Variants in TXNRD2 observed in about 807,000 individuals in gnomAD.
TXNRD2 encodes thioredoxin reductase 2.
TXNRD2 carries 67 observed loss-of-function variants against 70.8 expected under a neutral mutation model. That is an observed-to-expected ratio of 0.95 (90% CI 0.78 to 1.16). TXNRD2 has a LOEUF of 1.16. Among genes scored for constraint, TXNRD2 ranks in the 50% most tolerant of loss-of-function variants. TXNRD2 has a pLI of 0.00. For missense variants in TXNRD2, 644 were observed against 719.9 expected (o/e 0.89, Z 1.21); for synonymous variants, 301 against 295.8 (o/e 1.02, Z -0.18).
chr22:19,915,667 T>C lies in TXNRD2; in HGVS notation c.528+98A>G. 3 of 1,101,054 alleles carry C rather than the reference T, an allele frequency of 2.7e-6. No homozygotes were observed. In the South Asian group the frequency reaches 3.8e-5, roughly 14 times the overall value. 68.2% of individuals were successfully genotyped at this position (1,101,054 alleles called of 1,614,324 possible). ...ACCTTTTTGATTCCAGCAGCACGTG[T>C]TACTAAGAACAGCACCCAGGCCAAA... On this transcript the variant is annotated intron_variant, in intron 6 of 17. Transcript: ENST00000400521.
intron 2 of TXNRD2, among the ~76,000 whole-genome samples, chr22:19,922,992 G>A (rs1471260323): frequency 6.6e-6 from 1 of 152,052 alleles, no homozygotes; most frequent in Non-Finnish European, 1.5e-5. Context: ...CGGCCAGGAA[G>A]GATATTATAT....
In TXNRD2 at chr22:19,908,008, G is replaced by A. The variant is rs190603775; in HGVS notation, c.662+3369C>T. Among the ~76,000 whole-genome samples, 33 of 97,068 alleles carry A rather than the reference G, an allele frequency of 3.4e-4. No homozygotes were observed. The Admixed American group carries it at 3.9e-3, about 11-fold the overall frequency. 63.7% of individuals were successfully genotyped at this position (97,068 alleles called of 152,430 possible). A position where few individuals can be genotyped will look rare whatever the true frequency, so the allele number is the denominator to read the frequency against. On this transcript the variant is annotated intron_variant, in intron 8 of 17. Coordinates refer to ENST00000400521, the MANE Select transcript of TXNRD2 (RefSeq NM_006440.5). ...CAGCTCTCAGGAGAGTGTGGGCGCC[G>A]TGGGGAGCAGTGACCGTTCTCAGGA... is the stretch of plus-strand genomic sequence containing the variant.
chr22:19,878,118 C>T lies in TXNRD2; in HGVS notation c.1417G>A (p.Val473Ile), dbSNP rs760570314. ...ATCCCCAGAGCAAATCCTTGAGTAA[C>T]TTCGCCTGCGTTGGGGCCAAGGAAA... ...LHFLGPNAGE[V>I]TQGFALGIKC... The change falls in exon 16 of 18, where the codon GTT (valine) becomes ATT (isoleucine). Residue 473 changes from valine to isoleucine, a missense_variant. Physicochemically the swap from Val to Ile is conservative, Grantham distance 29. Around this residue, in one of 3 missense-constraint regions of TXNRD2, gnomAD observed 566 missense variants for 645.0 expected, o/e 0.88. Coordinates refer to ENST00000400521, the MANE Select transcript of TXNRD2 (RefSeq NM_006440.5). 9.3e-6 allele frequency: 15 copies of T among 1,613,450 alleles called. No individual in the cohort carries two copies. The East Asian group carries it at 3.1e-4, about 34-fold the overall frequency.
In TXNRD2 at chr22:19,880,353, G is replaced by A. The variant is rs146159731; in HGVS notation, c.1183-82C>T. On this transcript the variant is annotated intron_variant, in intron 13 of 17. Coordinates refer to ENST00000400521, the MANE Select transcript of TXNRD2 (RefSeq NM_006440.5). ...CACTGCATGTGACACAAAGAGCAGC[G>A]ATCACAGACCAGGACCAGATGCGCC... 1.0e-3 allele frequency: 1,439 copies of A among 1,415,852 alleles called. 10 individuals carry two copies. In the African/African-American group the frequency reaches 0.018, roughly 18 times the overall value. 87.7% of individuals were successfully genotyped at this position (1,415,852 alleles called of 1,614,324 possible).
intron 8 of TXNRD2, among the ~76,000 whole-genome samples, chr22:19,906,349 T>C (rs1328114538): frequency 6.6e-6 from 1 of 151,952 alleles, no homozygotes; most frequent in Non-Finnish European, 1.5e-5. Flanking sequence ...AAAAAAACAG[T>C]CTGGGTGCCG....
chr22:19,928,264 CACAG>C (rs1382069086), intron 2 of TXNRD2, among the ~76,000 whole-genome samples: 1 of 152,164 alleles, frequency 6.6e-6, no homozygotes, highest in Non-Finnish European at 1.5e-5. Context: ...CACACAAACA[CACAG>C]ACAGACGTTC....
intron 1 of TXNRD2, among the ~76,000 whole-genome samples, chr22:19,940,178 G>A (rs1941656081): frequency 7.0e-6 from 1 of 141,910 alleles, no homozygotes; most frequent in South Asian, 2.3e-4. Context: ...CCGGGAGGCG[G>A]AGCTTGCAGT....
chr22:19,923,629 C>A (rs552416740), intron 2 of TXNRD2, among the ~76,000 whole-genome samples: 2 of 152,120 alleles, frequency 1.3e-5, no homozygotes, highest in African/African-American at 4.8e-5. Flanking sequence ...GTAGTGAAAG[C>A]TCGTCTCTAC....
chr22:19,919,099 T>C, intron 3 of TXNRD2, 95 bp from the exon 4 acceptor site: 1 of 1,308,036 alleles, frequency 7.6e-7, no homozygotes, highest in Non-Finnish European at 1.1e-6. Context: ...TTAAAGTTGC[T>C]TTGTAACTCT....
At chr22:19,907,167 A>G (rs1940073396) in intron 8 of TXNRD2, among the ~76,000 whole-genome samples, 6 of 103,894 alleles carry the variant, frequency 5.8e-5, no homozygotes, top group South Asian at 4.8e-4. Context: ...CTCTCAGGAG[A>G]GTGTGGGCGC....
At chr22:19,913,165 A>C (rs553093236) in intron 7 of TXNRD2, among the ~76,000 whole-genome samples, 1 of 151,332 alleles carries the variant, frequency 6.6e-6, no homozygotes, top group East Asian at 2.0e-4. Flanking sequence ...CCCACAACCC[A>C]CAAGACTGGG....
chr22:19,877,677 G>A (rs1938571533), intron 16 of TXNRD2, among the ~76,000 whole-genome samples: 1 of 152,182 alleles, frequency 6.6e-6, no homozygotes, highest in African/African-American at 2.4e-5. Context: ...CCTTTGCCAT[G>A]GCTTCCTTTG....
chr22:19,912,294 C>G (rs922033306), intron 7 of TXNRD2, among the ~76,000 whole-genome samples: 2 of 152,184 alleles, frequency 1.3e-5, no homozygotes, highest in Non-Finnish European at 2.9e-5. Flanking sequence ...CAAGGAAAAC[C>G]GAAAGGTCTG....
chr22:19,904,985 C>T (rs1939941371), intron 8 of TXNRD2, among the ~76,000 whole-genome samples: 1 of 152,206 alleles, frequency 6.6e-6, no homozygotes, highest in South Asian at 2.1e-4. Context: ...ACAGCCCCTC[C>T]AAGTGTGAGT....
intron 11 of TXNRD2, chr22:19,883,694 C>T: frequency 1.8e-6 from 1 of 553,822 alleles, no homozygotes; most frequent in Non-Finnish European, 3.2e-6. Context: ...TGGCTCATGC[C>T]TATAATCCCA....
chr22:19,915,576 TC>T (rs1940600269), intron 6 of TXNRD2, among the ~76,000 whole-genome samples, 188 bp downstream of exon 6: 1 of 152,120 alleles, frequency 6.6e-6, no homozygotes, highest in South Asian at 2.1e-4. Context: ...GCCATGCCAC[TC>T]CGAGCAGCAG....
intron 8 of TXNRD2, among the ~76,000 whole-genome samples, chr22:19,899,533 A>G (rs1434588499): frequency 1.3e-5 from 2 of 152,228 alleles, no homozygotes; most frequent in African/African-American, 2.4e-5. Flanking sequence ...ATCCAACCCT[A>G]TCACAGCTAG....
chr22:19,900,225 G>A (rs1939709040), intron 8 of TXNRD2, among the ~76,000 whole-genome samples: 1 of 152,136 alleles, frequency 6.6e-6, no homozygotes, highest in South Asian at 2.1e-4. Context: ...GGACAGCGAA[G>A]GGGGACCCTG....
chr22:19,901,722 C>T (rs1178367801), intron 8 of TXNRD2, among the ~76,000 whole-genome samples: 5 of 152,170 alleles, frequency 3.3e-5, no homozygotes, highest in Admixed American at 1.3e-4. Flanking sequence ...CAGGGACCTA[C>T]AGACACCTTC....
Sources: gnomAD v4.1 joint callset for allele counts (sites outside exome capture counted in the v4.1 genomes callset) on GRCh38, gnomAD v4.1.1 for gene constraint, gnomAD v4.1.1 regional missense constraint, MANE v1.5 for transcripts, NCBI Gene and HGNC (gene_info 2026-07-23, HGNC 2026-07-21) for gene names.